Variants in KCNJ6 observed in about 807,000 individuals in gnomAD.
KCNJ6 encodes the protein G protein-activated inward rectifier potassium channel 2.
In KCNJ6, 9 loss-of-function variants were observed where a neutral mutation model predicts 34.2. That is an observed-to-expected ratio of 0.26 (90% CI 0.16 to 0.46). The LOEUF is 0.46. Among genes scored for constraint, KCNJ6 ranks in the 20% least tolerant of loss-of-function variants. The probability of loss-of-function intolerance (pLI) is 1.00; values close to 1 mark genes in which losing one functional copy is unlikely to be tolerated. For synonymous variants in KCNJ6, 196 were observed against 207.1 expected (o/e 0.95, Z 0.46); for missense variants, 236 against 531.3 (o/e 0.44, Z 5.46).
At chr21:37,719,916 G>A (rs2054815660) in intron 2 of KCNJ6, among the ~76,000 whole-genome samples, 1 of 152,164 alleles carries the variant, frequency 6.6e-6, no homozygotes, top group South Asian at 2.1e-4. Flanking sequence ...TACATTTCAA[G>A]TTGTATATGA....
At chr21:37,727,469 GTGTGTGCATGGA>G (rs1001672239) in intron 2 of KCNJ6, among the ~76,000 whole-genome samples, 9 of 149,512 alleles carry the variant, frequency 6.0e-5, no homozygotes, top group African/African-American at 2.3e-4. Flanking sequence ...GTGTGTGTGT[GTGTGTGCATGGA>G]TGTGTGTGCA....
rs150805689 is a variant in KCNJ6 at position 37,610,182 on chromosome 21, G to A, written c.*14977C>T. ...TGTAGAGGTACAGTCTAGAACTGAT[G>A]GTGGTGTAGGTTGGAATGGATACTA... On this transcript the variant is annotated 3_prime_UTR_variant, in exon 4 of 4. Transcript: ENST00000609713. 11 of 152,266 alleles carry A rather than the reference G, an allele frequency of 7.2e-5. No homozygotes were observed. In the East Asian group the frequency reaches 1.9e-3, roughly 27 times the overall value. The allele number at this position is 152,266 out of a possible 1,614,324, so 9.4% of individuals were successfully genotyped here. A position where few individuals can be genotyped will look rare whatever the true frequency, so the allele number is the denominator to read the frequency against.
At position 37,761,166 on chromosome 21, in the gene KCNJ6, G is replaced by A. The variant is rs78000190; in HGVS notation, c.26-46035C>T. Among the ~76,000 whole-genome samples the A allele has an allele frequency of 5.2e-4, 79 of 150,750 alleles. No individual in the cohort carries two copies. In the East Asian group the frequency reaches 0.014, roughly 27 times the overall value. The stretch of plus-strand genomic sequence containing the variant: ...GGTATGTGTGGTGTGTGTGCTGTAT[G>A]TGTGTTGTGTGTGCATGTGTGTGCG... On this transcript the variant is annotated intron_variant, in intron 2 of 3. Coordinates refer to ENST00000609713, the MANE Select transcript of KCNJ6 (RefSeq NM_002240.5).
intron 3 of KCNJ6, among the ~76,000 whole-genome samples, chr21:37,629,722 C>T (rs2054325591): frequency 6.6e-6 from 1 of 152,178 alleles, no homozygotes; most frequent in Non-Finnish European, 1.5e-5. Flanking sequence ...GTTTAAGCCA[C>T]TCAGTCTGTG....
chr21:37,788,756 G>A (rs763575629), intron 2 of KCNJ6, among the ~76,000 whole-genome samples: 7 of 152,218 alleles, frequency 4.6e-5, no homozygotes, highest in Admixed American at 6.5e-5. Context: ...CCAGCCAGCC[G>A]CAGCTAGCTT....
intron 2 of KCNJ6, among the ~76,000 whole-genome samples, chr21:37,810,142 C>A (rs987316435): frequency 2.0e-5 from 3 of 152,128 alleles, no homozygotes; most frequent in African/African-American, 7.2e-5. Flanking sequence ...CACACACACA[C>A]AAACACACAA....
chr21:37,907,596 T>C (rs1189218301), intron 1 of KCNJ6, among the ~76,000 whole-genome samples: 1 of 152,192 alleles, frequency 6.6e-6, no homozygotes, highest in African/African-American at 2.4e-5. Context: ...TCACATTACC[T>C]CTGCCCCGCT....
chr21:37,857,002 T>A (rs1328274353), intron 1 of KCNJ6, among the ~76,000 whole-genome samples: 1 of 152,142 alleles, frequency 6.6e-6, no homozygotes, highest in Admixed American at 6.5e-5. Context: ...AGCCTTGAGG[T>A]GCCGATACTC....
chr21:37,912,043 A>G (rs1329449980), intron 1 of KCNJ6, among the ~76,000 whole-genome samples: 2 of 152,214 alleles, frequency 1.3e-5, no homozygotes, highest in Admixed American at 6.5e-5. Context: ...TGTAAGTCCT[A>G]TGTATTAAAT....
chr21:37,774,394 A>G (rs1297868707), intron 2 of KCNJ6, among the ~76,000 whole-genome samples: 1 of 152,020 alleles, frequency 6.6e-6, no homozygotes, highest in East Asian at 1.9e-4. Context: ...ACATGTGCAC[A>G]ATGTGCGGGT....
intron 3 of KCNJ6, among the ~76,000 whole-genome samples, chr21:37,632,616 C>T (rs1381619506): frequency 6.6e-6 from 1 of 152,064 alleles, no homozygotes; most frequent in Non-Finnish European, 1.5e-5. Flanking sequence ...AATCTCTGAT[C>T]AGACTGGCCA....
rs1042029862 is a variant in KCNJ6, at chr21:37,875,436, C to T, written c.-27-34727G>A. Among the ~76,000 whole-genome samples, 8 of 152,196 alleles carry T rather than the reference C, an allele frequency of 5.3e-5. No homozygotes were observed. The South Asian group carries it at 1.7e-3, about 32-fold the overall frequency. On this transcript the variant is annotated intron_variant, in intron 1 of 3. Coordinates refer to ENST00000609713, the MANE Select transcript of KCNJ6 (RefSeq NM_002240.5). ...CAGTGCTTTTTGACCCCAAGCCAAC[C>T]TGGAGAGCCAGAGGTGGGGACAGAG...
chr21:37,673,095 G>A (rs2054549411), intron 3 of KCNJ6, among the ~76,000 whole-genome samples: 1 of 152,216 alleles, frequency 6.6e-6, no homozygotes, highest in African/African-American at 2.4e-5. Flanking sequence ...AATGCAAAAT[G>A]AGAGAGAGAA....
At chr21:37,913,220 T>C (rs2055875293) in intron 1 of KCNJ6, among the ~76,000 whole-genome samples, 1 of 152,220 alleles carries the variant, frequency 6.6e-6, no homozygotes, top group African/African-American at 2.4e-5. Flanking sequence ...AAGGGCTTGA[T>C]GGACTTACCT....
At chr21:37,676,843 A>C (rs772864786) in intron 3 of KCNJ6, among the ~76,000 whole-genome samples, 2 of 152,222 alleles carry the variant, frequency 1.3e-5, no homozygotes, top group Non-Finnish European at 2.9e-5. Context: ...TCCAAATGCC[A>C]ATAGTGCTGA....
intron 2 of KCNJ6, among the ~76,000 whole-genome samples, chr21:37,838,633 G>A (rs757863238): frequency 5.3e-5 from 8 of 152,180 alleles, no homozygotes; most frequent in Non-Finnish European, 8.8e-5. Context: ...TAAGGCCCAC[G>A]GATCCACTGC....
intron 1 of KCNJ6, among the ~76,000 whole-genome samples, chr21:37,887,675 C>G (rs1352257823): frequency 6.6e-6 from 1 of 152,068 alleles, no homozygotes; most frequent in Non-Finnish European, 1.5e-5. Context: ...AGATGACCTT[C>G]AAGAAGAAAC....
chr21:37,866,555 G>A (rs564420118), intron 1 of KCNJ6, among the ~76,000 whole-genome samples: 1 of 152,330 alleles, frequency 6.6e-6, no homozygotes, highest in African/African-American at 2.4e-5. Context: ...GGACAGTGAG[G>A]CCAGGGTTGC....
At chr21:37,698,303 A>AG (rs2054672990) in intron 3 of KCNJ6, among the ~76,000 whole-genome samples, 1 of 152,106 alleles carries the variant, frequency 6.6e-6, no homozygotes, top group Non-Finnish European at 1.5e-5. Context: ...GGAGAAATGG[A>AG]TGCTGGCTGC....
Sources: allele counts gnomAD v4.1 joint callset (sites outside exome capture counted in the v4.1 genomes callset), GRCh38; gene constraint gnomAD v4.1.1; transcripts MANE v1.5; gene names NCBI Gene and HGNC (gene_info 2026-07-23, HGNC 2026-07-21).